Variants in IGSF5 observed in about 807,000 individuals in gnomAD.
IGSF5 encodes the protein immunoglobulin superfamily 5 like.
Under a neutral mutation model 39.4 loss-of-function variants are expected in IGSF5, and 41 were observed. The observed-to-expected ratio is 1.04, with a 90% confidence interval of 0.81 to 1.35. IGSF5 has a LOEUF of 1.35. Among genes scored for constraint, IGSF5 ranks in the 40% most tolerant of loss-of-function variants. The probability of loss-of-function intolerance (pLI) is 0.00; values close to 1 mark genes in which losing one functional copy is unlikely to be tolerated. For missense variants in IGSF5, 487 were observed against 494.6 expected (o/e 0.98, Z 0.15); for synonymous variants, 183 against 175.3 (o/e 1.04, Z -0.34).
At chr21:39,712,022 C>G in the IGSF5 span, among the ~76,000 whole-genome samples, 4 of 152,256 alleles carry the variant, frequency 2.6e-5, no homozygotes, top group African/African-American at 9.6e-5. Context: ...CGATGGGAAG[C>G]ACAGTTCTCT....
chr21:39,785,617 G>T (rs1173033278), intron 5 of IGSF5, among the ~76,000 whole-genome samples: 3 of 152,050 alleles, frequency 2.0e-5, no homozygotes, highest in Non-Finnish European at 2.9e-5. Context: ...GCTTGATGGG[G>T]ATGGCATTGA....
the IGSF5 span, among the ~76,000 whole-genome samples, chr21:39,721,723 C>T: frequency 6.6e-6 from 1 of 151,024 alleles, no homozygotes; most frequent in Non-Finnish European, 1.5e-5. Context: ...TCCTTCCTTC[C>T]TTCCACCCAC....
intron 5 of IGSF5, among the ~76,000 whole-genome samples, chr21:39,787,756 G>C (rs545497080): frequency 2.6e-5 from 4 of 152,180 alleles, no homozygotes; most frequent in African/African-American, 9.6e-5. Flanking sequence ...TTTGCACAGA[G>C]CCCGTTTGGT....
rs577420914 is a variant in IGSF5, at chr21:39,745,290, A to T, written c.-220A>T. 228 of 437,570 alleles carry T rather than the reference A, an allele frequency of 5.2e-4. 1 individual carries two copies. The highest frequency in any genetic ancestry group is 4.4e-3 in the African/African-American group (216 of 49,550). The allele number at this position is 437,570 out of a possible 1,614,324, so 27.1% of individuals were successfully genotyped here. A position where few individuals can be genotyped will look rare whatever the true frequency, so the allele number is the denominator to read the frequency against. ...ATGTCAAGAGCTGTATACCTAAATT[A>T]GGAGGGACGCCAGGGATAAGACTCC... On this transcript the variant is annotated 5_prime_UTR_variant, in exon 1 of 9. The change abolishes the stop of an existing upstream ORF in the 5' untranslated region. Transcript: ENST00000380588.
At chr21:39,784,378 T>A (rs911004802) in intron 5 of IGSF5, among the ~76,000 whole-genome samples, 3 of 152,224 alleles carry the variant, frequency 2.0e-5, no homozygotes, top group Non-Finnish European at 4.4e-5. Context: ...CTTCAGCTTT[T>A]GTCTGTTCTA....
intron 4 of IGSF5, among the ~76,000 whole-genome samples, chr21:39,772,261 G>A (rs1006129025): frequency 6.6e-6 from 1 of 152,192 alleles, no homozygotes; most frequent in Non-Finnish European, 1.5e-5. Context: ...GCACACGTCT[G>A]TAGAGTGAGT....
intron 8 of IGSF5, among the ~76,000 whole-genome samples, chr21:39,796,360 C>A (rs1435188422): frequency 6.6e-6 from 1 of 152,182 alleles, no homozygotes; most frequent in Non-Finnish European, 1.5e-5. Flanking sequence ...GCCTATGTCA[C>A]CAGGTTCGTG....
the IGSF5 span, among the ~76,000 whole-genome samples, chr21:39,739,252 CT>C: frequency 2.0e-3 from 285 of 141,632 alleles, no homozygotes; most frequent in Non-Finnish European, 1.9e-3. Context: ...TTTTCTTCTG[CT>C]TTTTTTTTTT....
At chr21:39,734,439 TACACACACACACACAC>T in the IGSF5 span, among the ~76,000 whole-genome samples, 1 of 120,288 alleles carries the variant, frequency 8.3e-6, no homozygotes, top group South Asian at 2.8e-4. Flanking sequence ...AAAAAAAAAA[TACACACACACACACAC>T]ACACACACAC....
chr21:39,772,143 G>C (rs1354064916), intron 4 of IGSF5, among the ~76,000 whole-genome samples: 1 of 152,184 alleles, frequency 6.6e-6, no homozygotes, highest in Non-Finnish European at 1.5e-5. Context: ...GCACTATTCT[G>C]AGCACTTCTC....
At chr21:39,737,181 T>TG in the IGSF5 span, among the ~76,000 whole-genome samples, 4 of 148,988 alleles carry the variant, frequency 2.7e-5, no homozygotes, top group Admixed American at 2.7e-4. Context: ...CTTGTTCGTG[T>TG]GAAAAAAAAA....
intron 7 of IGSF5, among the ~76,000 whole-genome samples, chr21:39,792,433 A>G (rs991575586): frequency 9.2e-5 from 14 of 152,180 alleles, no homozygotes; most frequent in Non-Finnish European, 1.5e-4. Context: ...AATGTAAATG[A>G]CAAGTTAACG....
At chr21:39,797,526 A>G (rs1042891269) in intron 8 of IGSF5, among the ~76,000 whole-genome samples, 1 of 151,720 alleles carries the variant, frequency 6.6e-6, no homozygotes. Context: ...GCCTTTAAAA[A>G]TTTTTTTTGA....
At chr21:39,720,768 G>A in the IGSF5 span, among the ~76,000 whole-genome samples, 164 of 152,336 alleles carry the variant, frequency 1.1e-3, 1 homozygote, top group African/African-American at 3.8e-3. Context: ...CTCATCAATT[G>A]TGACATGTTT....
chr21:39,798,324 C>A (rs2087009339), intron 8 of IGSF5, among the ~76,000 whole-genome samples: 1 of 152,202 alleles, frequency 6.6e-6, no homozygotes, highest in Admixed American at 6.5e-5. Flanking sequence ...CTTTGCCCAG[C>A]ATCCTGAGGC....
chr21:39,716,072 C>T, the IGSF5 span, among the ~76,000 whole-genome samples: 2 of 152,230 alleles, frequency 1.3e-5, no homozygotes, highest in African/African-American at 2.4e-5. Flanking sequence ...CCCATGCACT[C>T]ATTTCCCAAG....
intron 2 of IGSF5, among the ~76,000 whole-genome samples, chr21:39,746,673 AGTT>A (rs2079976543): frequency 1.8e-4 from 1 of 5,552 alleles, no homozygotes; most frequent in African/African-American, 5.2e-4. Flanking sequence ...GATGGAACAC[AGTT>A]AACAGTTAAC....
chr21:39,753,979 G>T (rs2146272898), intron 2 of IGSF5, among the ~76,000 whole-genome samples: 1 of 151,938 alleles, frequency 6.6e-6, no homozygotes, highest in Non-Finnish European at 1.5e-5. Context: ...GGAACATTTA[G>T]GCCATTTACA....
At chr21:39,745,587 T>C in intron 1 of IGSF5, 61 bp downstream of exon 1, 1 of 713,808 alleles carries the variant, frequency 1.4e-6, no homozygotes, top group South Asian at 1.5e-5. Flanking sequence ...ATGATCTCAA[T>C]CAGCTACTGC....
Sources: allele counts gnomAD v4.1 joint callset (sites outside exome capture counted in the v4.1 genomes callset), GRCh38; gene constraint gnomAD v4.1.1; transcripts MANE v1.5; gene names NCBI Gene and HGNC (gene_info 2026-07-23, HGNC 2026-07-21).